Variants in MARCHF1 observed in about 807,000 individuals in gnomAD.
MARCHF1 encodes membrane associated ring-CH-type finger 1.
A neutral mutation model predicts 54.2 loss-of-function variants in MARCHF1; 40 were observed. The observed-to-expected ratio is 0.74, with a 90% CI of 0.57 to 0.96. MARCHF1 has a LOEUF of 0.96. MARCHF1 is among the 40% of genes least tolerant of loss of function. The pLI, the probability that MARCHF1 is intolerant of heterozygous loss-of-function variation, is 0.00. For synonymous variants in MARCHF1, 236 were observed against 236.3 expected, an observed-to-expected ratio of 1.00 and a Z score of 0.01; for missense variants, 586 against 656.5, an observed-to-expected ratio of 0.89 and a Z score of 1.17.
At chr4:163,673,158 T>C (rs1743793931) in intron 5 of MARCHF1, among the ~76,000 whole-genome samples, 1 of 152,212 alleles carries the variant, frequency 6.6e-6, no homozygotes, top group African/African-American at 2.4e-5. Context: ...TAAACATCTT[T>C]AGAGCAACTA....
intron 1 of MARCHF1, among the ~76,000 whole-genome samples, chr4:164,230,640 A>G (rs867117281): frequency 6.6e-6 from 1 of 152,076 alleles, no homozygotes; most frequent in East Asian, 1.9e-4. Context: ...TATTTCTTCT[A>G]TCTAAGCCTC....
In MARCHF1 at chr4:163,777,541, G is replaced by A. The variant is rs551757265; in HGVS notation, c.111+76480C>T. On this transcript the variant is annotated intron_variant, in intron 4 of 9. Coordinates refer to ENST00000514618, the MANE Select transcript of MARCHF1 (RefSeq NM_001394959.1). Reference sequence around the variant, plus strand: ...AAAACTAATTTCTTAATAACACAGTGATAATCACTTACAAAACAAGAGGTT... The same window carrying A: ...AAAACTAATTTCTTAATAACACAGTAATAATCACTTACAAAACAAGAGGTT... 5.3e-5 allele frequency among the ~76,000 whole-genome samples: 8 copies of A among 152,212 alleles called. No individual in the cohort carries two copies. In the South Asian group the frequency reaches 1.0e-3, roughly 20 times the overall value.
chr4:163,781,184 C>T (rs1158108493), intron 4 of MARCHF1, among the ~76,000 whole-genome samples: 2 of 152,154 alleles, frequency 1.3e-5, no homozygotes, highest in Non-Finnish European at 2.9e-5. Context: ...AACCCCGTCT[C>T]TACTGAAAAT....
intron 9 of MARCHF1, 73 bp from the exon 10 acceptor site, chr4:163,529,119 A>G: frequency 8.6e-7 from 1 of 1,164,622 alleles, no homozygotes. Context: ...TTTTTCTATG[A>G]CCCTTCAAAA....
rs146374510 is a variant in MARCHF1, at chr4:164,240,973, T to C, written c.-322-129311A>G. Among the ~76,000 whole-genome samples, 43 of 152,268 alleles carry C rather than the reference T, an allele frequency of 2.8e-4. 1 individual carries two copies. Among genetic ancestry groups the C allele is most frequent in the African/African-American group, 9.9e-4 (41 of 41,554 alleles). ...TAGCTTGCTTACTGCTCAGGAGTCA[T>C]GTAGCCAGAGGTCACACGACTGGGG... is the stretch of plus-strand genomic sequence containing the variant. On this transcript the variant is annotated intron_variant, in intron 1 of 9. Coordinates refer to ENST00000514618, the MANE Select transcript of MARCHF1 (RefSeq NM_001394959.1).
chr4:163,784,373 G>A (rs146225662), intron 4 of MARCHF1, among the ~76,000 whole-genome samples: 13 of 152,104 alleles, frequency 8.5e-5, no homozygotes, highest in African/African-American at 3.1e-4. Context: ...CTAGTCTATA[G>A]AGGAACACAT....
chr4:163,986,286 G>T (rs1394390794), intron 3 of MARCHF1, among the ~76,000 whole-genome samples: 8 of 28,286 alleles, frequency 2.8e-4, no homozygotes, highest in Non-Finnish European at 5.8e-4. Context: ...TTTTTGAGAT[G>T]GAGTGTCTCG....
At chr4:164,368,934 T>C (rs1285342473) in intron 1 of MARCHF1, among the ~76,000 whole-genome samples, 1 of 152,358 alleles carries the variant, frequency 6.6e-6, no homozygotes, top group Admixed American at 6.5e-5. Context: ...AAATGTCTAT[T>C]AGACACGGAA....
intron 3 of MARCHF1, among the ~76,000 whole-genome samples, chr4:163,878,315 C>T (rs926370959): frequency 3.3e-5 from 5 of 152,190 alleles, no homozygotes; most frequent in Admixed American, 2.6e-4. Flanking sequence ...TTTGCTCATG[C>T]ATATGAATCT....
chr4:163,729,163 C>A (rs938175463), intron 4 of MARCHF1, among the ~76,000 whole-genome samples: 2 of 152,016 alleles, frequency 1.3e-5, no homozygotes, highest in Non-Finnish European at 2.9e-5. Flanking sequence ...TTATTGGATT[C>A]AATCTGTCCA....
rs181749656 is a variant in MARCHF1 at position 164,318,280 on chromosome 4, A to G, written c.-323+65590T>C. Among the ~76,000 whole-genome samples, 357 of 152,306 alleles carry G rather than the reference A, an allele frequency of 2.3e-3. 3 individuals are homozygous for G. The Middle Eastern group carries it at 0.051, about 22-fold the overall frequency. ...AGTGGACTACAGCCTGCAATCATGC[A>G]GGTGATAGCCAAAAAGTAAAATCCA... On this transcript the variant is annotated intron_variant, in intron 1 of 9. Transcript: ENST00000514618.
chr4:163,635,749 C>A (rs997528690), intron 5 of MARCHF1, among the ~76,000 whole-genome samples: 1 of 152,096 alleles, frequency 6.6e-6, no homozygotes, highest in Non-Finnish European at 1.5e-5. Context: ...TTTCATGAGG[C>A]CAGCATCATT....
chr4:163,573,477 A>C (rs1316067173), intron 8 of MARCHF1, among the ~76,000 whole-genome samples: 1 of 84,636 alleles, frequency 1.2e-5, no homozygotes, highest in Admixed American at 1.8e-4. Context: ...CCCACCCCAC[A>C]ACAGTCCCCA....
chr4:164,196,707 ATAAT>A (rs533123678), intron 1 of MARCHF1, among the ~76,000 whole-genome samples: 4 of 152,188 alleles, frequency 2.6e-5, no homozygotes, highest in Non-Finnish European at 4.4e-5. Flanking sequence ...GAGAGAGAGA[ATAAT>A]TAATAGTAAT....
intron 8 of MARCHF1, among the ~76,000 whole-genome samples, chr4:163,553,292 C>T (rs17043880): frequency 0.041 from 6,207 of 152,232 alleles, 407 homozygotes; most frequent in African/African-American, 0.13. Flanking sequence ...CTTGCAGCAC[C>T]GCATCCAATT....
intron 5 of MARCHF1, among the ~76,000 whole-genome samples, chr4:163,684,999 TATC>T (rs1249746804): frequency 1.3e-5 from 2 of 152,160 alleles, no homozygotes; most frequent in African/African-American, 4.8e-5. Flanking sequence ...TCAGAATGCA[TATC>T]ATTAACTATT....
At chr4:164,197,289 G>A (rs774334691) in intron 1 of MARCHF1, 3 of 1,611,668 alleles carry the variant, frequency 1.9e-6, no homozygotes, top group South Asian at 1.1e-5. Flanking sequence ...AACAGCTGTC[G>A]AGATATGTGA....
chr4:164,018,275 A>G (rs537663733), intron 2 of MARCHF1, among the ~76,000 whole-genome samples: 3 of 152,122 alleles, frequency 2.0e-5, no homozygotes, highest in Admixed American at 6.5e-5. Context: ...CAGATCATAC[A>G]TAAAAATTGA....
intron 2 of MARCHF1, among the ~76,000 whole-genome samples, chr4:164,058,090 G>A (rs924584013): frequency 6.6e-6 from 1 of 152,054 alleles, no homozygotes; most frequent in African/African-American, 2.4e-5. Context: ...CATGGACACA[G>A]GGAGGGGAAC....
Sources: gnomAD v4.1 joint callset for allele counts (sites outside exome capture counted in the v4.1 genomes callset) on GRCh38, gnomAD v4.1.1 for gene constraint, MANE v1.5 for transcripts, NCBI Gene and HGNC (gene_info 2026-07-23, HGNC 2026-07-21) for gene names.